Variants in ADAMTS12 observed in about 807,000 individuals in gnomAD.
The protein encoded by ADAMTS12 is A disintegrin and metalloproteinase with thrombospondin motifs 12.
Under a neutral mutation model 167.8 loss-of-function variants are expected in ADAMTS12, and 118 were observed. The observed-to-expected ratio is 0.70, with a 90% CI of 0.61 to 0.82. The LOEUF (loss-of-function observed/expected upper bound fraction) is 0.82, where lower values mean the gene tolerates loss of function less well. ADAMTS12 is among the 40% of genes least tolerant of loss of function. The pLI, the probability that ADAMTS12 is intolerant of heterozygous loss-of-function variation, is 0.00. For synonymous variants in ADAMTS12, 704 were observed against 716.9 expected (o/e 0.98, Z 0.29); for missense variants, 1,916 against 1,998.8 (o/e 0.96, Z 0.79).
chr5:33,785,030 T>C (rs1746277900), intron 2 of ADAMTS12, among the ~76,000 whole-genome samples: 1 of 152,080 alleles, frequency 6.6e-6, no homozygotes, highest in Admixed American at 6.6e-5. Context: ...ATAGGTTAAT[T>C]AATTTTGAAC....
At chr5:33,544,535 A>C (rs1744866591) in intron 22 of ADAMTS12, among the ~76,000 whole-genome samples, 1 of 152,224 alleles carries the variant, frequency 6.6e-6, no homozygotes, top group Admixed American at 6.5e-5. Flanking sequence ...TGGAACCAAA[A>C]AAGAGCCTGC....
At chr5:33,889,420 TTA>T (rs1750763584) in intron 1 of ADAMTS12, among the ~76,000 whole-genome samples, 1 of 152,142 alleles carries the variant, frequency 6.6e-6, no homozygotes, top group Non-Finnish European at 1.5e-5. Context: ...AGGAGATTGG[TTA>T]TTTGTGAGGC....
intron 5 of ADAMTS12, among the ~76,000 whole-genome samples, chr5:33,670,961 A>C (rs1386711214): frequency 6.6e-6 from 1 of 152,234 alleles, no homozygotes; most frequent in Non-Finnish European, 1.5e-5. Context: ...GGTACATATC[A>C]TAGAATACCA....
At chr5:33,849,614 T>C (rs1296411064) in intron 2 of ADAMTS12, among the ~76,000 whole-genome samples, 6 of 101,182 alleles carry the variant, frequency 5.9e-5, no homozygotes, top group East Asian at 2.4e-4. Context: ...TAGCAATATA[T>C]ATGTATTGCA....
At position 33,577,135 on chromosome 5, in the gene ADAMTS12, A is replaced by C; in HGVS notation, c.2891T>G (p.Val964Gly). 6.2e-7 allele frequency: 1 copy of C among 1,614,100 alleles called. No homozygotes were observed. The highest frequency in any genetic ancestry group is 8.5e-7 in the Non-Finnish European group (1 of 1,180,008). The stretch of plus-strand genomic sequence containing the variant: ...GGCACATGTGACACTGCGAATCCGC[A>C]CTCCACCACCACAGGAAACAGAACA... ...SECSVSCGGG[V>G]RIRSVTCAKN... Residue 964 changes from valine to glycine, a missense_variant, in exon 19 of 24, where the codon GTG (valine) becomes GGG (glycine). Val to Gly is a moderately radical substitution (Grantham distance 109). Transcript: ENST00000504830.
intron 2 of ADAMTS12, among the ~76,000 whole-genome samples, chr5:33,760,579 G>A (rs1745317717): frequency 1.3e-5 from 2 of 152,124 alleles, no homozygotes; most frequent in African/African-American, 4.8e-5. Flanking sequence ...AAGAAAACTA[G>A]GAAAGGAATT....
Position 33,624,368 on chromosome 5 carries a change from T to C in ADAMTS12, c.2023-17A>G. 1 of 1,613,432 alleles carries C rather than the reference T, an allele frequency of 6.2e-7. No individual in the cohort carries two copies. The highest frequency in any genetic ancestry group is 8.5e-7 in the Non-Finnish European group (1 of 1,179,752). On this transcript the variant is annotated splice_polypyrimidine_tract_variant and intron_variant, in intron 13 of 23. Coordinates refer to ENST00000504830, the MANE Select transcript of ADAMTS12 (RefSeq NM_030955.4). ...GCCAACCATCTGTGGGGAAGAGAGGTGGAGGATGAATGCCCAGGCAGGGGA... is the reference window on the plus strand; with the variant it reads ...GCCAACCATCTGTGGGGAAGAGAGGCGGAGGATGAATGCCCAGGCAGGGGA...
chr5:33,532,873 T>C (rs1354903749), intron 23 of ADAMTS12, among the ~76,000 whole-genome samples: 2 of 152,224 alleles, frequency 1.3e-5, no homozygotes, highest in African/African-American at 4.8e-5. Flanking sequence ...GGGCATTGAA[T>C]GAATATTTTC....
rs574368235 is a variant in ADAMTS12, at chr5:33,763,304, G to T, written c.490-11756C>A. 1.2e-3 allele frequency among the ~76,000 whole-genome samples: 186 copies of T among 152,222 alleles called. 1 individual carries two copies. Among genetic ancestry groups the T allele is most frequent in the African/African-American group, 4.3e-3 (178 of 41,526 alleles). ...ATCAGAAGGGCCCTTATAAGAGGAA[G>T]GCAAGAGGATCTGCACAAGTAGGAG... On this transcript the variant is annotated intron_variant, in intron 2 of 23. Coordinates refer to ENST00000504830, the MANE Select transcript of ADAMTS12 (RefSeq NM_030955.4).
chr5:33,674,101 T>C (rs1371108581), intron 5 of ADAMTS12, among the ~76,000 whole-genome samples: 1 of 152,144 alleles, frequency 6.6e-6, no homozygotes, highest in Non-Finnish European at 1.5e-5. Context: ...ACTGAATATA[T>C]CCTGGTTTAC....
At chr5:33,601,407 T>G (rs1272748336) in intron 16 of ADAMTS12, among the ~76,000 whole-genome samples, 1 of 152,166 alleles carries the variant, frequency 6.6e-6, no homozygotes, top group East Asian at 1.9e-4. Flanking sequence ...AGAAAAGTTT[T>G]GTAACCTGAA....
intron 16 of ADAMTS12, among the ~76,000 whole-genome samples, chr5:33,609,661 T>G (rs2112079126): frequency 6.6e-6 from 1 of 152,288 alleles, no homozygotes; most frequent in Middle Eastern, 3.4e-3. Flanking sequence ...TGAGTTCTGC[T>G]TAATGTAAAT....
chr5:33,761,376 C>A (rs1297859207), intron 2 of ADAMTS12, among the ~76,000 whole-genome samples: 1 of 152,200 alleles, frequency 6.6e-6, no homozygotes, highest in South Asian at 2.1e-4. Flanking sequence ...GAAGGCCTCA[C>A]ACACAGCATT....
At chr5:33,789,260 G>T (rs1468341860) in intron 2 of ADAMTS12, among the ~76,000 whole-genome samples, 1 of 152,204 alleles carries the variant, frequency 6.6e-6, no homozygotes, top group Non-Finnish European at 1.5e-5. Context: ...AGAACCAGCT[G>T]CTGTCCCACC....
intron 3 of ADAMTS12, among the ~76,000 whole-genome samples, chr5:33,730,907 G>T (rs1282855168): frequency 6.6e-6 from 1 of 152,190 alleles, no homozygotes; most frequent in African/African-American, 2.4e-5. Context: ...GATAGCAGAA[G>T]GGTTGAGAAT....
chr5:33,544,011 G>C (rs1744837719), intron 22 of ADAMTS12, among the ~76,000 whole-genome samples: 1 of 152,136 alleles, frequency 6.6e-6, no homozygotes, highest in Non-Finnish European at 1.5e-5. Context: ...ATTCTGGGCT[G>C]GGCAATCAGG....
intron 2 of ADAMTS12, among the ~76,000 whole-genome samples, chr5:33,832,834 T>C (rs534160153): frequency 1.3e-5 from 2 of 152,314 alleles, no homozygotes; most frequent in East Asian, 3.9e-4. Context: ...ACATATGCAC[T>C]AAAGACAGCC....
At chr5:33,571,642 G>T (rs1746357624) in intron 19 of ADAMTS12, among the ~76,000 whole-genome samples, 1 of 151,396 alleles carries the variant, frequency 6.6e-6, no homozygotes, top group African/African-American at 2.4e-5. Flanking sequence ...ACAAGAGAAA[G>T]CAGGAAAGAT....
At chr5:33,565,912 AT>A (rs1745993944) in intron 19 of ADAMTS12, among the ~76,000 whole-genome samples, 1 of 152,236 alleles carries the variant, frequency 6.6e-6, no homozygotes, top group African/African-American at 2.4e-5. Flanking sequence ...TTGTCAATTA[AT>A]TAACATGTAT....
Sources: allele counts gnomAD v4.1 joint callset (sites outside exome capture counted in the v4.1 genomes callset), GRCh38; gene constraint gnomAD v4.1.1; transcripts MANE v1.5; gene names NCBI Gene and HGNC (gene_info 2026-07-23, HGNC 2026-07-21).